CBLC: variants seen among roughly 807,000 people sequenced by gnomAD.
The protein encoded by CBLC is Cbl proto-oncogene C.
A neutral mutation model predicts 58.6 loss-of-function variants in CBLC; 46 were observed. That is an observed-to-expected ratio of 0.79 (90% CI 0.62 to 1.00). The LOEUF (loss-of-function observed/expected upper bound fraction) is 1.00. Among genes scored for constraint, CBLC ranks in the 50% least tolerant of loss-of-function variants. The probability of loss-of-function intolerance (pLI) is 0.00; values close to 1 mark genes in which losing one functional copy is unlikely to be tolerated. For synonymous variants in CBLC, 271 were observed against 264.2 expected, an observed-to-expected ratio of 1.03 and a Z score of -0.25; for missense variants, 655 against 625.8, an observed-to-expected ratio of 1.05 and a Z score of -0.50.
intron 3 of CBLC, 87 bp from the exon 4 acceptor site, chr19:44,782,283 T>C: frequency 6.4e-7 from 1 of 1,567,292 alleles, no homozygotes; most frequent in South Asian, 1.2e-5. Flanking sequence ...GTGAAGGAGG[T>C]GGTTGGATCC....
chr19:44,799,688 TAA>T (rs1568566745), intron 9 of CBLC, among the ~76,000 whole-genome samples: 7 of 122,254 alleles, frequency 5.7e-5, no homozygotes, highest in Admixed American at 1.8e-4. Context: ...GAAAGAAAAG[TAA>T]AGAAAGAGAG....
chr19:44,786,464 G>A (rs1344410982), intron 5 of CBLC, among the ~76,000 whole-genome samples: 13 of 149,574 alleles, frequency 8.7e-5, no homozygotes, highest in Admixed American at 3.3e-4. Context: ...GCGTGGTGGC[G>A]GGCACCTGTA....
chr19:44,795,873 A>C (rs1968168509), intron 9 of CBLC, among the ~76,000 whole-genome samples: 1 of 152,136 alleles, frequency 6.6e-6, no homozygotes, highest in African/African-American at 2.4e-5. Context: ...ATAGATGCCA[A>C]ATGAATACAC....
chr19:44,790,977 C>T (rs1968031311), intron 6 of CBLC, among the ~76,000 whole-genome samples: 1 of 151,892 alleles, frequency 6.6e-6, no homozygotes, highest in South Asian at 2.1e-4. Flanking sequence ...GGTGTGGTGG[C>T]TCACACCTGT....
chr19:44,783,490 CAA>C (rs1967803120), intron 4 of CBLC, among the ~76,000 whole-genome samples: 1 of 149,532 alleles, frequency 6.7e-6, no homozygotes, highest in Admixed American at 6.7e-5. Flanking sequence ...GCCTGGGCAA[CAA>C]GAGTGAAACT....
In CBLC at chr19:44,794,193, T is replaced by TGC. The variant is rs34259391; in HGVS notation, c.1285-11_1285-10insGC. On this transcript the variant is annotated splice_polypyrimidine_tract_variant and intron_variant, in intron 8 of 10. Coordinates refer to ENST00000647358, the MANE Select transcript of CBLC (RefSeq NM_012116.4). ...TCACAAGCCCCTTCTCCTTCCTCTG[T>TGC]CCCACCCCAGGTGCCCCTTTCGGCT... is the stretch of plus-strand genomic sequence containing the variant. 6.2e-7 allele frequency: 1 copy of TGC among 1,602,704 alleles called. No individual in the cohort carries two copies. The highest frequency in any genetic ancestry group is 2.2e-5 in the East Asian group (1 of 44,558).
chr19:44,794,200 C>T lies in CBLC; in HGVS notation c.1285-4C>T. ...CCCCTTCTCCTTCCTCTGTCCCACC[C>T]CAGGTGCCCCTTTCGGCTCCTCCAT... On this transcript the variant is annotated splice_region_variant and splice_polypyrimidine_tract_variant and intron_variant, in intron 8 of 10. Transcript: ENST00000647358. The T allele has an allele frequency of 6.2e-7, 1 of 1,607,264 alleles. No homozygotes were observed. The highest frequency in any genetic ancestry group is 8.5e-7 in the Non-Finnish European group (1 of 1,177,088).
chr19:44,787,687 G>A (rs1410475480), intron 5 of CBLC, among the ~76,000 whole-genome samples: 3 of 151,234 alleles, frequency 2.0e-5, no homozygotes, highest in African/African-American at 7.3e-5. Flanking sequence ...CATGGTGGCA[G>A]GCGCCTGTAA....
intron 7 of CBLC, among the ~76,000 whole-genome samples, chr19:44,792,827 C>T (rs1377924392): frequency 2.0e-5 from 3 of 152,078 alleles, no homozygotes; most frequent in Non-Finnish European, 4.4e-5. Context: ...CCCTGGAGAA[C>T]GGGGCTGAGA....
intron 6 of CBLC, 122 bp downstream of exon 6, chr19:44,790,213 C>A: frequency 1.4e-6 from 1 of 727,092 alleles, no homozygotes; most frequent in Non-Finnish European, 2.5e-6. Flanking sequence ...GGGTAAATCA[C>A]TTGACCTCTC....
chr19:44,781,090 C>T, intron 2 of CBLC, 39 bp downstream of exon 2: 1 of 1,595,014 alleles, frequency 6.3e-7, no homozygotes. Flanking sequence ...GAGCCCCATC[C>T]TGCCCTGGCC....
In CBLC at chr19:44,778,269, CG is replaced by C; in HGVS notation, c.341del (p.Gly114AlafsTer165). On this transcript the variant is annotated frameshift_variant, in exon 1 of 11. Transcript: ENST00000647358. LOFTEE classifies it high-confidence loss of function. ...RRSANDELFR[A>X]GSRLRRQLAK... The stretch of plus-strand genomic sequence containing the variant: ...AGTGCCAACGACGAGCTCTTCCGGG[CG>C]GGCTCCAGACTCAGGTGAGCCTTCG... 1 of 1,439,742 alleles carries C rather than the reference CG, an allele frequency of 6.9e-7. No homozygotes were observed. Among genetic ancestry groups the C allele is most frequent in the Non-Finnish European group, 9.1e-7 (1 of 1,098,678 alleles). The allele number at this position is 1,439,742 out of a possible 1,614,324, so 89.2% of individuals were successfully genotyped here. A position where few individuals can be genotyped will look rare whatever the true frequency, so the allele number is the denominator to read the frequency against.
chr19:44,784,310 G>A lies in CBLC; in HGVS notation c.826G>A (p.Gly276Ser), dbSNP rs143342303. 1.4e-5 allele frequency: 22 copies of A among 1,598,324 alleles called. No individual in the cohort carries two copies. Among genetic ancestry groups the A allele is most frequent in the African/African-American group, 1.3e-4 (10 of 74,684 alleles). The change falls in exon 5 of 11, where the codon GGC (glycine) becomes AGC (serine). Residue 276 changes from glycine to serine, a missense_variant. Around this residue, in one of 3 missense-constraint regions of CBLC, gnomAD observed 371 missense variants for 370.8 expected, o/e 1.00. Transcript: ENST00000647358. ...TACTCGCCTGGGGCAGTGGGCCATC[G>A]GCTATGTGAGCTCAGATGGCAGCAT... ...SCTRLGQWAI[G>S]YVSSDGSILQ...
chr19:44,786,975 T>C (rs1825272719), intron 5 of CBLC, among the ~76,000 whole-genome samples: 1 of 152,132 alleles, frequency 6.6e-6, no homozygotes, highest in South Asian at 2.1e-4. Flanking sequence ...TAATCCCAGC[T>C]ACTCAGGAGG....
chr19:44,778,899 C>G (rs1967651363), intron 1 of CBLC, among the ~76,000 whole-genome samples: 1 of 151,546 alleles, frequency 6.6e-6, no homozygotes, highest in African/African-American at 2.4e-5. Flanking sequence ...CCCCTCCTCC[C>G]TCAGACCCAG....
intron 5 of CBLC, among the ~76,000 whole-genome samples, chr19:44,787,701 C>G (rs1967946827): frequency 6.6e-6 from 1 of 150,992 alleles, no homozygotes; most frequent in Admixed American, 6.6e-5. Flanking sequence ...CCTGTAATTC[C>G]AGCTACTTGG....
At chr19:44,790,316 GATC>G (rs1469065113) in intron 6 of CBLC, among the ~76,000 whole-genome samples, 1 of 152,120 alleles carries the variant, frequency 6.6e-6, no homozygotes, top group African/African-American at 2.4e-5. Flanking sequence ...ATGCTGCTGA[GATC>G]ATCAGGACAG....
chr19:44,797,254 T>G (rs1189217099), intron 9 of CBLC, among the ~76,000 whole-genome samples: 1 of 152,194 alleles, frequency 6.6e-6, no homozygotes, highest in Non-Finnish European at 1.5e-5. Flanking sequence ...ACTTTTGTTG[T>G]TGTTGTTGTT....
intron 1 of CBLC, among the ~76,000 whole-genome samples, chr19:44,779,679 G>A (rs1967669937): frequency 6.6e-6 from 1 of 151,058 alleles, no homozygotes; most frequent in Non-Finnish European, 1.5e-5. Context: ...AGCCTCCCAT[G>A]TAGCTGGGAC....
Sources: gnomAD v4.1 joint callset for allele counts (sites outside exome capture counted in the v4.1 genomes callset) on GRCh38, gnomAD v4.1.1 for gene constraint, gnomAD v4.1.1 regional missense constraint, MANE v1.5 for transcripts, NCBI Gene and HGNC (gene_info 2026-07-23, HGNC 2026-07-21) for gene names.